Variants in MAPRE2 observed in about 807,000 individuals in gnomAD.
MAPRE2 encodes the protein microtubule-associated protein RP/EB family member 2.
MAPRE2 carries 13 observed loss-of-function variants against 43.2 expected under a neutral mutation model. That is an observed-to-expected ratio of 0.30 (90% CI 0.20 to 0.48). MAPRE2 has a LOEUF of 0.48. MAPRE2 is among the 20% of genes least tolerant of loss of function. MAPRE2 has a pLI of 0.99. For missense variants in MAPRE2, 161 were observed against 400.2 expected (o/e 0.40, Z 5.10); for synonymous variants, 135 against 148.8 (o/e 0.91, Z 0.68).
chr18:34,992,741 G>A (rs561007961), intron 1 of MAPRE2, among the ~76,000 whole-genome samples: 1 of 152,312 alleles, frequency 6.6e-6, no homozygotes, highest in East Asian at 1.9e-4. Flanking sequence ...GGCAGATGCA[G>A]TGATAAGTTT....
chr18:35,138,964 T>G (rs1910507173), intron 6 of MAPRE2, among the ~76,000 whole-genome samples: 1 of 152,102 alleles, frequency 6.6e-6, no homozygotes, highest in South Asian at 2.1e-4. Context: ...CAACACGACA[T>G]GGATTGAGTC....
At chr18:35,094,342 GCATGATAA>G (rs1908303650) in intron 2 of MAPRE2, among the ~76,000 whole-genome samples, 1 of 152,046 alleles carries the variant, frequency 6.6e-6, no homozygotes, top group Admixed American at 6.6e-5. Flanking sequence ...AGAATAAATG[GCATGATAA>G]AATTTAGGAA....
At chr18:35,117,270 C>A (rs898428135) in intron 4 of MAPRE2, among the ~76,000 whole-genome samples, 1 of 152,188 alleles carries the variant, frequency 6.6e-6, no homozygotes, top group African/African-American at 2.4e-5. Context: ...GGAGTTCTCC[C>A]TTCCCTGAGC....
intron 2 of MAPRE2, among the ~76,000 whole-genome samples, chr18:35,033,016 G>A (rs546229091): frequency 6.6e-6 from 1 of 152,116 alleles, no homozygotes; most frequent in South Asian, 2.1e-4. Context: ...TCTTGCTTCA[G>A]TCATAAAATT....
intron 4 of MAPRE2, among the ~76,000 whole-genome samples, chr18:35,110,697 A>C (rs1249904291): frequency 4.6e-5 from 7 of 152,054 alleles, no homozygotes; most frequent in Non-Finnish European, 1.0e-4. Context: ...ATTCTTAAAG[A>C]ATATTTTCAC....
intron 1 of MAPRE2, among the ~76,000 whole-genome samples, chr18:35,044,495 G>T (rs1351457840): frequency 6.6e-6 from 1 of 152,206 alleles, no homozygotes; most frequent in East Asian, 1.9e-4. Context: ...CTCCCAAAGT[G>T]CTGGGATTAC....
chr18:35,106,244 A>C (rs538606346), intron 4 of MAPRE2, among the ~76,000 whole-genome samples: 1 of 152,110 alleles, frequency 6.6e-6, no homozygotes, highest in Non-Finnish European at 1.5e-5. Context: ...TATCATCAAA[A>C]ACAGGTGATA....
At chr18:35,014,386 ATT>A (rs368732245) in intron 2 of MAPRE2, among the ~76,000 whole-genome samples, 36 of 139,596 alleles carry the variant, frequency 2.6e-4, no homozygotes, top group Admixed American at 2.9e-4. Context: ...GGGCAGGGTG[ATT>A]TTTTTTTTTT....
chr18:35,096,930 A>C (rs891684008), intron 2 of MAPRE2, among the ~76,000 whole-genome samples: 3 of 152,150 alleles, frequency 2.0e-5, no homozygotes, highest in Non-Finnish European at 4.4e-5. Flanking sequence ...TATTTTGTAA[A>C]TACCACAGCT....
intron 2 of MAPRE2, among the ~76,000 whole-genome samples, chr18:35,095,962 ACT>A (rs1908397332): frequency 6.6e-6 from 1 of 151,932 alleles, no homozygotes; most frequent in Non-Finnish European, 1.5e-5. Context: ...AGATGCAGAG[ACT>A]CTAGAGATAT....
upstream of MAPRE2, chr18:35,041,276 G>T (rs1023325626): frequency 4.6e-5 from 62 of 1,357,372 alleles, no homozygotes; most frequent in South Asian, 6.2e-5. Context: ...GACCCTGTGC[G>T]AATTGAGGCG....
chr18:35,071,027 A>G (rs1489708838), intron 2 of MAPRE2, among the ~76,000 whole-genome samples: 1 of 152,172 alleles, frequency 6.6e-6, no homozygotes, highest in Non-Finnish European at 1.5e-5. Context: ...ACGTCGTGTT[A>G]GGATGTCTAA....
intron 1 of MAPRE2, among the ~76,000 whole-genome samples, chr18:35,069,744 A>G (rs547359883): frequency 2.1e-4 from 32 of 152,298 alleles, no homozygotes; most frequent in Admixed American, 7.8e-4. Context: ...TTAAATATTA[A>G]AAAAAGAATC....
upstream of MAPRE2, among the ~76,000 whole-genome samples, chr18:35,038,832 A>T (rs1038012105): frequency 2.6e-4 from 40 of 152,190 alleles, 1 homozygote; most frequent in Admixed American, 7.2e-4. Context: ...GAGGGTAATC[A>T]CTGGTCTCTG....
intron 2 of MAPRE2, among the ~76,000 whole-genome samples, chr18:35,031,162 C>T (rs908434336): frequency 6.6e-5 from 10 of 152,184 alleles, no homozygotes; most frequent in African/African-American, 2.4e-4. Flanking sequence ...CCTGACCCTA[C>T]CACATACACT....
chr18:35,117,813 T>C (rs1015510927), intron 4 of MAPRE2, among the ~76,000 whole-genome samples: 1 of 152,144 alleles, frequency 6.6e-6, no homozygotes, highest in Non-Finnish European at 1.5e-5. Flanking sequence ...GGACACTTAA[T>C]ATTTTACCAA....
intron 1 of MAPRE2, among the ~76,000 whole-genome samples, chr18:35,055,537 C>CTG (rs34194364): frequency 0.021 from 3,084 of 146,668 alleles, 90 homozygotes; most frequent in African/African-American, 0.056. Flanking sequence ...ATTCAGTTCT[C>CTG]TGTGTGTGTG....
intron 1 of MAPRE2, among the ~76,000 whole-genome samples, chr18:34,989,580 C>A (rs2097022715): frequency 6.6e-6 from 1 of 152,050 alleles, no homozygotes; most frequent in Admixed American, 6.6e-5. Flanking sequence ...AGGCATGGTG[C>A]CGTACTTATA....
At chr18:35,090,469 C>G (rs557289429) in intron 2 of MAPRE2, among the ~76,000 whole-genome samples, 1 of 152,022 alleles carries the variant, frequency 6.6e-6, no homozygotes, top group Non-Finnish European at 1.5e-5. Flanking sequence ...TGGTGGCTCA[C>G]GCGTGTAATC....
Sources: allele counts gnomAD v4.1 joint callset (sites outside exome capture counted in the v4.1 genomes callset), GRCh38; gene constraint gnomAD v4.1.1; transcripts MANE v1.5; gene names NCBI Gene and HGNC (gene_info 2026-07-23, HGNC 2026-07-21).